Variants in SCUBE1 observed in about 807,000 individuals in gnomAD.
SCUBE1 encodes the protein signal peptide, CUB domain and EGF like domain containing 1, also known as signal peptide, CUB and EGF-like domain-containing protein 1.
Under a neutral mutation model 124.4 loss-of-function variants are expected in SCUBE1, and 59 were observed. That is an observed-to-expected ratio of 0.47 (90% CI 0.38 to 0.59). The LOEUF is 0.59. Among genes scored for constraint, SCUBE1 ranks in the 20% least tolerant of loss-of-function variants. The probability of loss-of-function intolerance (pLI) is 0.00; values close to 1 mark genes in which losing one functional copy is unlikely to be tolerated. For synonymous variants in SCUBE1, 545 were observed against 550.9 expected (o/e 0.99, Z 0.15); for missense variants, 1,150 against 1,371.2 (o/e 0.84, Z 2.55).
At chr22:43,214,046 C>CGGGGGGGGGGGGGGGGGGGGGGGGGGGG in intron 16 of SCUBE1, 44 bp downstream of exon 16, 25 of 422,700 alleles carry the variant, frequency 5.9e-5, no homozygotes, top group Non-Finnish European at 8.7e-5. Flanking sequence ...GAGGAGCCCC[C>CGGGGGGGGGGGGGGGGGGGGGGGGGGGG]GCCCACCCCC....
intron 3 of SCUBE1, among the ~76,000 whole-genome samples, chr22:43,305,142 A>G (rs1182123606): frequency 6.6e-6 from 1 of 152,038 alleles, no homozygotes; most frequent in Non-Finnish European, 1.5e-5. Context: ...CTGCCGGAAT[A>G]CGGAGGAGAA....
intron 2 of SCUBE1, among the ~76,000 whole-genome samples, chr22:43,337,638 C>T (rs990043101): frequency 1.3e-5 from 2 of 152,204 alleles, no homozygotes; most frequent in African/African-American, 4.8e-5. Context: ...GGGCCCTGAG[C>T]GTGCCAGGAA....
chr22:43,261,844 T>C (rs1302417284), intron 5 of SCUBE1, among the ~76,000 whole-genome samples: 1 of 152,220 alleles, frequency 6.6e-6, no homozygotes, highest in East Asian at 1.9e-4. Context: ...AAATATGACA[T>C]CGCTTTGGGT....
In SCUBE1 at chr22:43,214,164, T is replaced by C. The variant is rs1411953398; in HGVS notation, c.1979A>G (p.Gln660Arg). 1.9e-6 allele frequency: 3 copies of C among 1,612,272 alleles called. No individual in the cohort carries two copies. The highest frequency in any genetic ancestry group is 2.5e-6 in the Non-Finnish European group (3 of 1,179,684). ...GCTGGGGCACGGTGTGCAACTGAGC[T>C]GGCCTTCCATGTCCTGGTATGTTCC... ...MPGTYQDMEG[Q>R]LSCTPCPSSD... Residue 660 changes from glutamine (Q) to arginine (R), a missense_variant, in exon 16 of 22, where the codon CAG becomes CGG. Around this residue, in one of 3 missense-constraint regions of SCUBE1, gnomAD observed 757 missense variants for 840.9 expected, o/e 0.90. Coordinates refer to ENST00000360835, the MANE Select transcript of SCUBE1 (RefSeq NM_173050.5).
chr22:43,204,941 CA>C (rs55783565), intron 21 of SCUBE1, among the ~76,000 whole-genome samples: 1,954 of 77,230 alleles, frequency 0.025, 29 homozygotes, highest in African/African-American at 0.06. Flanking sequence ...GAGACTGTCT[CA>C]AAAAAAAAAA....
intron 2 of SCUBE1, among the ~76,000 whole-genome samples, chr22:43,330,568 A>T (rs111592207): frequency 0.012 from 1,772 of 152,346 alleles, 27 homozygotes; most frequent in African/African-American, 0.041. Flanking sequence ...CAAGCTTGAC[A>T]CAGAGTAGGT....
intron 3 of SCUBE1, among the ~76,000 whole-genome samples, chr22:43,298,416 T>G (rs1198032202): frequency 6.6e-6 from 1 of 152,112 alleles, no homozygotes; most frequent in African/African-American, 2.4e-5. Flanking sequence ...GAGTCCAAGC[T>G]CAGGGTGGGA....
chr22:43,289,033 C>A (rs960772530), intron 4 of SCUBE1, among the ~76,000 whole-genome samples: 1 of 152,252 alleles, frequency 6.6e-6, no homozygotes, highest in Non-Finnish European at 1.5e-5. Flanking sequence ...CCACAGCACA[C>A]CCTTCTTTCA....
At chr22:43,317,358 G>A (rs1001557052) in intron 3 of SCUBE1, among the ~76,000 whole-genome samples, 1 of 152,208 alleles carries the variant, frequency 6.6e-6, no homozygotes, top group African/African-American at 2.4e-5. Context: ...CCCTGTTGGA[G>A]ACTGGAGAAG....
At chr22:43,249,503 A>G (rs1923353946) in intron 6 of SCUBE1, among the ~76,000 whole-genome samples, 1 of 151,778 alleles carries the variant, frequency 6.6e-6, no homozygotes, top group Non-Finnish European at 1.5e-5. Context: ...AGTGGCCTCC[A>G]CTCTCCTCGG....
chr22:43,227,230 C>G (rs1353720380), intron 10 of SCUBE1, 144 bp downstream of exon 10: 6 of 977,464 alleles, frequency 6.1e-6, no homozygotes, highest in Non-Finnish European at 7.4e-6. Context: ...CATACCCCAA[C>G]AGCAGAGAAC....
chr22:43,305,145 G>A (rs1468806991), intron 3 of SCUBE1, among the ~76,000 whole-genome samples: 1 of 149,046 alleles, frequency 6.7e-6, no homozygotes, highest in Non-Finnish European at 1.5e-5. Flanking sequence ...CCGGAATACG[G>A]AGGAGAAGCG....
At chr22:43,289,491 G>A (rs1040366447) in intron 4 of SCUBE1, among the ~76,000 whole-genome samples, 3 of 152,258 alleles carry the variant, frequency 2.0e-5, no homozygotes, top group South Asian at 2.1e-4. Flanking sequence ...TAGCAGGCCC[G>A]TCCTGCCTTT....
chr22:43,241,699 G>C lies in SCUBE1; in HGVS notation c.728-2745C>G, dbSNP rs539730550. 3.9e-3 allele frequency among the ~76,000 whole-genome samples: 590 copies of C among 152,302 alleles called. 5 individuals carry two copies. Among genetic ancestry groups the C allele is most frequent in the Non-Finnish European group, 4.4e-3 (301 of 68,012 alleles). On this transcript the variant is annotated intron_variant, in intron 6 of 21. Coordinates refer to ENST00000360835, the MANE Select transcript of SCUBE1 (RefSeq NM_173050.5). ...CCTGCTGCTTCCCCAGCACTTCCCA[G>C]CTCTAGCCCCTGCTCTTACTGTGGC...
chr22:43,288,150 C>T (rs1366234189), intron 4 of SCUBE1, among the ~76,000 whole-genome samples: 2 of 152,182 alleles, frequency 1.3e-5, no homozygotes, highest in African/African-American at 2.4e-5. Flanking sequence ...CTTCTTTAAC[C>T]GACACGCTGG....
chr22:43,291,039 T>C lies in SCUBE1; in HGVS notation c.484+7A>G. 2 of 1,601,676 alleles carry C rather than the reference T, an allele frequency of 1.2e-6. No individual in the cohort carries two copies. The highest frequency in any genetic ancestry group is 2.2e-5 in the East Asian group (1 of 44,544). ...GGACATGCCTGGTCAGCATAGGCTG[T>C]ACTCACCATTGGAGCGGTGGATGCA... On this transcript the variant is annotated splice_region_variant and intron_variant, in intron 4 of 21. Transcript: ENST00000360835.
intron 2 of SCUBE1, among the ~76,000 whole-genome samples, chr22:43,329,723 G>A (rs1926844410): frequency 6.6e-6 from 1 of 152,222 alleles, no homozygotes; most frequent in South Asian, 2.1e-4. Flanking sequence ...CTGGAAGCCT[G>A]TCTTGGAGCA....
chr22:43,337,151 T>C (rs1927109574), intron 2 of SCUBE1, among the ~76,000 whole-genome samples: 1 of 152,180 alleles, frequency 6.6e-6, no homozygotes, highest in African/African-American at 2.4e-5. Context: ...AATTTCCTTT[T>C]CTAGCAGGTG....
intron 3 of SCUBE1, among the ~76,000 whole-genome samples, chr22:43,314,775 A>G (rs575706217): frequency 3.3e-5 from 5 of 152,298 alleles, no homozygotes; most frequent in Admixed American, 2.6e-4. Flanking sequence ...GGCATTGCCC[A>G]TGCTACCACT....
Sources: gnomAD v4.1 joint callset for allele counts (sites outside exome capture counted in the v4.1 genomes callset) on GRCh38, gnomAD v4.1.1 for gene constraint, gnomAD v4.1.1 regional missense constraint, MANE v1.5 for transcripts, NCBI Gene and HGNC (gene_info 2026-07-23, HGNC 2026-07-21) for gene names.